CHAF1A: variants seen among roughly 807,000 people sequenced by gnomAD.
The protein encoded by CHAF1A is chromatin assembly factor 1 subunit A, also known as CAF-1 subunit A.
Under a neutral mutation model 93.2 loss-of-function variants are expected in CHAF1A, and 5 were observed. The observed-to-expected ratio is 0.05, with a 90% CI of 0.03 to 0.11. CHAF1A has a LOEUF of 0.11. Among genes scored for constraint, CHAF1A ranks in the 10% least tolerant of loss-of-function variants. The probability of loss-of-function intolerance (pLI) is 1.00; values close to 1 mark genes in which losing one functional copy is unlikely to be tolerated. For missense variants in CHAF1A, 1,102 were observed against 1,259.9 expected, an observed-to-expected ratio of 0.87 and a Z score of 1.90; for synonymous variants, 504 against 510.3, an observed-to-expected ratio of 0.99 and a Z score of 0.17.
At chr19:4,421,697 G>A (rs1973992720) in intron 4 of CHAF1A, among the ~76,000 whole-genome samples, 1 of 152,128 alleles carries the variant, frequency 6.6e-6, no homozygotes, top group Non-Finnish European at 1.5e-5. Context: ...GATCACTTGA[G>A]CCTGGGAGGT....
intron 2 of CHAF1A, among the ~76,000 whole-genome samples, chr19:4,408,461 C>CTCTTTTTTTTTTTTT (rs1776956822): frequency 2.8e-5 from 1 of 36,012 alleles, no homozygotes; most frequent in Admixed American, 4.0e-4. Flanking sequence ...CGCACCCGGC[C>CTCTTTTTTTTTTTTT]TTTTTTTTTT....
chr19:4,429,234 C>T, intron 8 of CHAF1A: 1 of 635,594 alleles, frequency 1.6e-6, no homozygotes, highest in East Asian at 2.8e-5. Flanking sequence ...AGCTGTCCTC[C>T]CTCTCACCCT....
intron 6 of CHAF1A, among the ~76,000 whole-genome samples, 172 bp downstream of exon 6, chr19:4,423,567 G>C (rs896058980): frequency 1.3e-5 from 2 of 152,238 alleles, no homozygotes; most frequent in Admixed American, 6.5e-5. Flanking sequence ...TCTTCCCAGT[G>C]CTGGCTGTCA....
chr19:4,433,664 AATC>A lies in CHAF1A; in HGVS notation c.2673+126_2673+128del. ...CACCCAGGCTGGAGTGCAGTGGCGC[AATC>A]TCAGCTCACTGCAACCTCCTCCCTC... is the stretch of plus-strand genomic sequence containing the variant. On this transcript the variant is annotated intron_variant, in intron 13 of 14. Coordinates refer to ENST00000301280, the MANE Select transcript of CHAF1A (RefSeq NM_005483.3). The surrounding 1 kb of genome is among the most constrained non-coding windows in gnomAD (Gnocchi z 5.6). 1.3e-6 allele frequency: 1 copy of A among 749,106 alleles called. No homozygotes were observed. The allele number at this position is 749,106 out of a possible 1,614,324, so 46.4% of individuals were successfully genotyped here. A position where few individuals can be genotyped will look rare whatever the true frequency, so the allele number is the denominator to read the frequency against.
intron 7 of CHAF1A, among the ~76,000 whole-genome samples, chr19:4,427,134 G>GTTTTTTTTTTTTTTTTT (rs1568437409): frequency 2.2e-5 from 1 of 45,276 alleles, no homozygotes; most frequent in South Asian, 7.8e-4. Context: ...AAAAGACCCT[G>GTTTTTTTTTTTTTTTTT]TCTTTTTTTT....
chr19:4,448,473 C>A (rs561316501), downstream of CHAF1A: 185 of 1,403,506 alleles, frequency 1.3e-4, no homozygotes, highest in African/African-American at 1.6e-3. Flanking sequence ...CACGGCCCTC[C>A]GCTGCCCAGG....
intron 11 of CHAF1A, among the ~76,000 whole-genome samples, chr19:4,431,349 G>A (rs909474274): frequency 6.6e-6 from 1 of 151,956 alleles, no homozygotes; most frequent in African/African-American, 2.4e-5. Flanking sequence ...GGCTGGTCTT[G>A]AACTCCTGAC....
At position 4,428,741 on chromosome 19, in the gene CHAF1A, C is replaced by G. The variant is rs142984552; in HGVS notation, c.1455C>G (p.Thr485=). The G allele has an allele frequency of 3.6e-5, 58 of 1,614,064 alleles. No individual in the cohort carries two copies. The highest frequency in any genetic ancestry group is 4.2e-5 in the Non-Finnish European group (49 of 1,180,036). Residue 485 remains threonine (T), a synonymous_variant, in exon 8 of 15, where the codon ACC becomes ACG. Transcript: ENST00000301280. ...EHMVLAPRRR[T]AFHPDLCSQL... ...TGGTCCTGGCCCCTCGGCGTCGGAC[C>G]GCTTTCCATCCAGACCTCTGCAGTC...
At chr19:4,430,726 G>C in intron 11 of CHAF1A, 85 bp downstream of exon 11, 1 of 1,413,616 alleles carries the variant, frequency 7.1e-7, no homozygotes, top group South Asian at 1.2e-5. Context: ...GGAGGGTGAC[G>C]GGGGTCCCAG....
rs1379389110 is a variant in CHAF1A at position 4,410,374 on chromosome 19, GA to G, written c.960+623del. ...TGGGCAACATAGACACCATCTCTAT[GA>G]AAAAAAATTACTTTTTTTTTTTTTT... is the stretch of plus-strand genomic sequence containing the variant. On this transcript the variant is annotated intron_variant, in intron 3 of 14. Transcript: ENST00000301280. 9.9e-5 allele frequency among the ~76,000 whole-genome samples: 14 copies of G among 140,946 alleles called. No homozygotes were observed. The East Asian group carries it at 1.9e-3, about 19-fold the overall frequency. 92.5% of individuals were successfully genotyped at this position (140,946 alleles called of 152,430 possible). A position where few individuals can be genotyped will look rare whatever the true frequency, so the allele number is the denominator to read the frequency against.
intron 4 of CHAF1A, among the ~76,000 whole-genome samples, chr19:4,421,501 G>A (rs1973990250): frequency 6.6e-6 from 1 of 152,188 alleles, no homozygotes; most frequent in South Asian, 2.1e-4. Flanking sequence ...CTGTGGCTGG[G>A]TGCTGGGGCT....
In CHAF1A at chr19:4,427,092, G is replaced by GA. The variant is rs1029844788; in HGVS notation, c.1378-1562dup. ...CGCAATGAAGCGAGACTCCATCTCA[G>GA]AAAAAAAAAAGAGGAGTTGTGATCT... is the stretch of plus-strand genomic sequence containing the variant. On this transcript the variant is annotated intron_variant, in intron 7 of 14. Transcript: ENST00000301280. Among the ~76,000 whole-genome samples the GA allele has an allele frequency of 4.2e-3, 387 of 92,836 alleles. 1 individual carries two copies. Among genetic ancestry groups the GA allele is most frequent in the South Asian group, 7.6e-3 (19 of 2,514 alleles). 60.9% of individuals were successfully genotyped at this position (92,836 alleles called of 152,430 possible). A position where few individuals can be genotyped will look rare whatever the true frequency, so the allele number is the denominator to read the frequency against.
intron 12 of CHAF1A, among the ~76,000 whole-genome samples, chr19:4,432,500 C>T (rs551319538): frequency 1.2e-4 from 18 of 152,246 alleles, no homozygotes; most frequent in Admixed American, 3.3e-4. Flanking sequence ...GTGCCTCATG[C>T]CTGTGATGCC....
chr19:4,414,625 G>A (rs1245894016), intron 3 of CHAF1A, among the ~76,000 whole-genome samples: 1 of 152,106 alleles, frequency 6.6e-6, no homozygotes, highest in Admixed American at 6.6e-5. Context: ...TTTATATTGG[G>A]ATGGAAAGAT....
At chr19:4,413,045 T>C (rs1326065561) in intron 3 of CHAF1A, among the ~76,000 whole-genome samples, 1 of 152,146 alleles carries the variant, frequency 6.6e-6, no homozygotes, top group Non-Finnish European at 1.5e-5. Flanking sequence ...TTGGTTTGCT[T>C]GCTTCATAGT....
At chr19:4,432,757 C>CT (rs1555679962) in intron 12 of CHAF1A, among the ~76,000 whole-genome samples, 3 of 74,856 alleles carry the variant, frequency 4.0e-5, no homozygotes, top group Admixed American at 4.1e-4. Flanking sequence ...AAGACCCTGT[C>CT]TAAAAAAAAA....
chr19:4,403,325 C>T (rs570939841), intron 1 of CHAF1A, among the ~76,000 whole-genome samples: 4 of 152,318 alleles, frequency 2.6e-5, no homozygotes, highest in East Asian at 1.9e-4. Context: ...GTTCTTGCTC[C>T]TTCCTGATAT....
At chr19:4,427,136 C>CTTTTTTTTTTTTTT (rs747750687) in intron 7 of CHAF1A, among the ~76,000 whole-genome samples, 545 of 31,946 alleles carry the variant, frequency 0.017, 101 homozygotes, top group East Asian at 0.044. Flanking sequence ...AAGACCCTGT[C>CTTTTTTTTTTTTTT]TTTTTTTTTT....
intron 8 of CHAF1A, 68 bp downstream of exon 8, chr19:4,428,958 G>A: frequency 7.3e-7 from 1 of 1,366,314 alleles, no homozygotes; most frequent in South Asian, 1.2e-5. Context: ...GAACCCTGGG[G>A]TCCCCGGGGT....
Sources: gnomAD v4.1 joint callset for allele counts (sites outside exome capture counted in the v4.1 genomes callset) on GRCh38, gnomAD v4.1.1 for gene constraint, Gnocchi (gnomAD v3.1) non-coding constraint, MANE v1.5 for transcripts, NCBI Gene and HGNC (gene_info 2026-07-23, HGNC 2026-07-21) for gene names.